The following PODXL variants were observed in gnomAD, a reference collection of about 807,000 sequenced individuals.
PODXL encodes podocalyxin like, also known as podocalyxin.
In PODXL, 20 loss-of-function variants were observed where a neutral mutation model predicts 48.9. The ratio of observed to expected loss-of-function variants is 0.41; its 90% CI spans 0.29 to 0.59. The LOEUF (loss-of-function observed/expected upper bound fraction) is 0.59. Among genes scored for constraint, PODXL ranks in the 20% least tolerant of loss-of-function variants. PODXL has a pLI of 0.31. For missense variants in PODXL, 606 were observed against 675.1 expected (o/e 0.90, Z 1.13); for synonymous variants, 295 against 287.4 (o/e 1.03, Z -0.27).
intron 1 of PODXL, among the ~76,000 whole-genome samples, chr7:131,537,244 C>T (rs979910198): frequency 1.3e-5 from 2 of 149,272 alleles, no homozygotes; most frequent in African/African-American, 2.5e-5. Context: ...CCCAGGAGGT[C>T]GAGGCTGCAG....
chr7:131,550,755 G>A (rs551424327), intron 1 of PODXL, among the ~76,000 whole-genome samples: 70 of 152,044 alleles, frequency 4.6e-4, no homozygotes, highest in African/African-American at 6.0e-4. Context: ...CAGCTGACAC[G>A]TATGCGCACA....
At position 131,556,522 on chromosome 7, in the gene PODXL, T is replaced by C. The variant is rs890395064; in HGVS notation, c.-163A>G. The C allele has an allele frequency of 3.0e-5, 24 of 804,354 alleles. No individual in the cohort carries two copies. The African/African-American group carries it at 4.1e-4, about 14-fold the overall frequency. 49.8% of individuals were successfully genotyped at this position (804,354 alleles called of 1,614,324 possible). A position where few individuals can be genotyped will look rare whatever the true frequency, so the allele number is the denominator to read the frequency against. ...CGAGTCGCGCTGCGGCGGCTCTTCC[T>C]CCCTGCCGCTGCAGCAGAGCCGGGC... is the stretch of plus-strand genomic sequence containing the variant. On this transcript the variant is annotated 5_prime_UTR_variant, in exon 1 of 9. Transcript: ENST00000378555.
At position 131,511,601 on chromosome 7, in the gene PODXL, CT is replaced by C. The variant is rs1369961754; in HGVS notation, c.101-169del. 2.6e-5 allele frequency among the ~76,000 whole-genome samples: 4 copies of C among 152,054 alleles called. No homozygotes were observed. The South Asian group carries it at 8.3e-4, about 32-fold the overall frequency. On this transcript the variant is annotated intron_variant, in intron 1 of 8. Transcript: ENST00000378555. ...GAATTTTCGGAGGTTCAAGAAACCTCTTTTTTCTGTCTTTTTTTTTTCTTCT... is the reference window on the plus strand; with the variant it reads ...GAATTTTCGGAGGTTCAAGAAACCTCTTTTTCTGTCTTTTTTTTTTCTTCT...
At chr7:131,531,715 A>G (rs55847414) in intron 1 of PODXL, among the ~76,000 whole-genome samples, 35,532 of 152,142 alleles carry the variant, frequency 0.23, 5,371 homozygotes, top group Admixed American at 0.43. Context: ...TTATGAGGAC[A>G]CTTGTCATTG....
chr7:131,501,612 G>A lies in PODXL; in HGVS notation c.*2699C>T, dbSNP rs892397941. The A allele has an allele frequency of 6.6e-6, 1 of 152,134 alleles. No individual in the cohort carries two copies. The highest frequency in any genetic ancestry group is 2.4e-5 in the African/African-American group (1 of 41,418). The allele number at this position is 152,134 out of a possible 1,614,324, so 9.4% of individuals were successfully genotyped here. A position where few individuals can be genotyped will look rare whatever the true frequency, so the allele number is the denominator to read the frequency against. ...TAGGCTTCCTAGTCATCATACTTGT[G>A]GTTTCTGGCCTCCTGTGCAGCTTGG... On this transcript the variant is annotated 3_prime_UTR_variant, in exon 9 of 9. Coordinates refer to ENST00000378555, the MANE Select transcript of PODXL (RefSeq NM_001018111.3).
chr7:131,511,666 G>C (rs1201095890), intron 1 of PODXL, among the ~76,000 whole-genome samples: 1 of 151,774 alleles, frequency 6.6e-6, no homozygotes, highest in African/African-American at 2.4e-5. Context: ...ATATTGCCCA[G>C]GCAGGTCTTG....
chr7:131,504,276 T>G lies in PODXL; in HGVS notation c.*35A>C. On this transcript the variant is annotated 3_prime_UTR_variant, in exon 9 of 9. Transcript: ENST00000378555. ...GCACTTGGGGTGGTTGGTCTGGAGCTCTGTGGTGCTGCTGGAGGCCACCGG... is the reference window on the plus strand; with the variant it reads ...GCACTTGGGGTGGTTGGTCTGGAGCGCTGTGGTGCTGCTGGAGGCCACCGG... 6 of 1,587,322 alleles carry G rather than the reference T, an allele frequency of 3.8e-6. No homozygotes were observed. The highest frequency in any genetic ancestry group is 5.2e-6 in the Non-Finnish European group (6 of 1,157,278).
intron 1 of PODXL, among the ~76,000 whole-genome samples, chr7:131,517,361 G>A (rs1356390320): frequency 6.6e-6 from 1 of 152,174 alleles, no homozygotes; most frequent in Non-Finnish European, 1.5e-5. Context: ...GATCAGAATG[G>A]ACGGGCAACT....
At chr7:131,528,008 A>G (rs879309692) in intron 1 of PODXL, among the ~76,000 whole-genome samples, 8 of 151,108 alleles carry the variant, frequency 5.3e-5, no homozygotes, top group Admixed American at 5.3e-4. Flanking sequence ...GGTTCAAGCA[A>G]TTCTCCTGCC....
chr7:131,520,195 T>C, intron 1 of PODXL: 2 of 322,626 alleles, frequency 6.2e-6, no homozygotes, highest in Non-Finnish European at 6.1e-6. Context: ...AACGAGGTGG[T>C]GACCCGAGAA....
At chr7:131,535,653 C>T (rs1370237841) in intron 1 of PODXL, among the ~76,000 whole-genome samples, 1 of 152,252 alleles carries the variant, frequency 6.6e-6, no homozygotes, top group East Asian at 1.9e-4. Flanking sequence ...ACAACCTGTA[C>T]ATAAATGGGT....
chr7:131,543,022 C>A (rs553438942), intron 1 of PODXL, among the ~76,000 whole-genome samples: 14 of 152,340 alleles, frequency 9.2e-5, no homozygotes, highest in Middle Eastern at 3.4e-3. Context: ...GTTCACGGTG[C>A]TCTGTGACCA....
intron 1 of PODXL, among the ~76,000 whole-genome samples, chr7:131,547,457 C>A (rs1798598846): frequency 1.3e-5 from 2 of 150,994 alleles, no homozygotes; most frequent in Admixed American, 6.6e-5. Context: ...TCCTATTTAG[C>A]CCTTGCTATG....
At chr7:131,551,227 A>G (rs1798663296) in intron 1 of PODXL, among the ~76,000 whole-genome samples, 1 of 152,156 alleles carries the variant, frequency 6.6e-6, no homozygotes, top group African/African-American at 2.4e-5. Context: ...TAACAGCCCC[A>G]TAGAGCAGAC....
chr7:131,531,700 G>A lies in PODXL; in HGVS notation c.101-20267C>T, dbSNP rs186151460. Among the ~76,000 whole-genome samples, 130 of 152,310 alleles carry A rather than the reference G, an allele frequency of 8.5e-4. 2 individuals carry two copies. Among genetic ancestry groups the A allele is most frequent in the African/African-American group, 3.1e-3 (127 of 41,562 alleles). On this transcript the variant is annotated intron_variant, in intron 1 of 8. Coordinates refer to ENST00000378555, the MANE Select transcript of PODXL (RefSeq NM_001018111.3). ...GGTCACATGGCCACCTTCTCTATGT[G>A]CCTCTTATGAGGACACTTGTCATTG...
intron 1 of PODXL, among the ~76,000 whole-genome samples, chr7:131,547,138 G>A (rs1281192144): frequency 6.6e-6 from 1 of 152,096 alleles, no homozygotes; most frequent in East Asian, 1.9e-4. Flanking sequence ...ACTTTGGGAG[G>A]CTGATTAGGC....
Position 131,502,328 on chromosome 7 carries a change from T to C in PODXL, c.*1983A>G, listed in dbSNP as rs1797719607. On this transcript the variant is annotated 3_prime_UTR_variant, in exon 9 of 9. Coordinates refer to ENST00000378555, the MANE Select transcript of PODXL (RefSeq NM_001018111.3). ...CTCCATCCTGCCCACCTCCAAACAC[T>C]AGAGCATCGGGGCAGATGTTTTTGG... 6.6e-6 allele frequency: 1 copy of C among 152,100 alleles called. No homozygotes were observed. Among genetic ancestry groups the C allele is most frequent in the Non-Finnish European group, 1.5e-5 (1 of 68,030 alleles). 9.4% of individuals were successfully genotyped at this position (152,100 alleles called of 1,614,324 possible). A position where few individuals can be genotyped will look rare whatever the true frequency, so the allele number is the denominator to read the frequency against.
At chr7:131,536,314 C>T (rs930888714) in intron 1 of PODXL, among the ~76,000 whole-genome samples, 13 of 152,200 alleles carry the variant, frequency 8.5e-5, no homozygotes, top group African/African-American at 2.9e-4. Flanking sequence ...AGATGTATGG[C>T]ATGACGGGTC....
intron 1 of PODXL, among the ~76,000 whole-genome samples, chr7:131,517,647 T>C (rs555737943): frequency 1.3e-5 from 2 of 152,222 alleles, no homozygotes; most frequent in African/African-American, 2.4e-5. Flanking sequence ...GGAAGACTCT[T>C]TTCCTGCCTC....
Sources: gnomAD v4.1 joint callset for allele counts (sites outside exome capture counted in the v4.1 genomes callset) on GRCh38, gnomAD v4.1.1 for gene constraint, MANE v1.5 for transcripts, NCBI Gene and HGNC (gene_info 2026-07-23, HGNC 2026-07-21) for gene names.